The following TSHZ3 variants were observed in gnomAD, a reference collection of about 807,000 sequenced individuals.
The protein encoded by TSHZ3 is teashirt zinc finger homeobox 3, also known as teashirt homolog 3.
Under a neutral mutation model 64.5 loss-of-function variants are expected in TSHZ3, and 10 were observed. The observed-to-expected ratio is 0.16, with a 90% CI of 0.10 to 0.26. The LOEUF is 0.26. Ranked by LOEUF, TSHZ3 falls within the 10% of genes least tolerant of loss-of-function variation. The probability of loss-of-function intolerance (pLI) is 1.00; values close to 1 mark genes in which losing one functional copy is unlikely to be tolerated. For missense variants in TSHZ3, 1,242 were observed against 1,421.7 expected (o/e 0.87, Z 2.03); for synonymous variants, 608 against 593.1 (o/e 1.03, Z -0.36).
Position 31,308,624 on chromosome 19 carries a change from G to A in TSHZ3, c.41-28872C>T, listed in dbSNP as rs1916364794. On this transcript the variant is annotated intron_variant, in intron 1 of 1. Transcript: ENST00000240587. ...TTCCCAGGTGTTTTAGGCTCCACAGGTACACAGGGGTAGTGTGAAGAGACT... is the reference window on the plus strand; with the variant it reads ...TTCCCAGGTGTTTTAGGCTCCACAGATACACAGGGGTAGTGTGAAGAGACT... 4 of 398,346 alleles carry A rather than the reference G, an allele frequency of 1.0e-5. No homozygotes were observed. In the Admixed American group the frequency reaches 1.3e-4, roughly 13 times the overall value. The allele number at this position is 398,346 out of a possible 1,614,324, so 24.7% of individuals were successfully genotyped here.
At chr19:31,256,320 T>A (rs910766473) in intron 1 of TSHZ3, among the ~76,000 whole-genome samples, 3 of 152,010 alleles carry the variant, frequency 2.0e-5, no homozygotes, top group Non-Finnish European at 4.4e-5. Context: ...TCTGTGCACA[T>A]GCCTGCCGCC....
chr19:31,274,735 T>A (rs998239323), downstream of TSHZ3, among the ~76,000 whole-genome samples: 4 of 151,722 alleles, frequency 2.6e-5, no homozygotes, highest in Non-Finnish European at 2.9e-5. Flanking sequence ...TCGGTGCAGA[T>A]CCTATTCGAG....
intron 1 of TSHZ3, among the ~76,000 whole-genome samples, chr19:31,329,957 G>T (rs1027765383): frequency 1.3e-5 from 2 of 152,050 alleles, no homozygotes; most frequent in South Asian, 4.1e-4. Flanking sequence ...AAAAAAGAGC[G>T]CAGACACACA....
rs368039667 is a variant in TSHZ3 at position 31,277,444 on chromosome 19, G to A, written c.2349C>T (p.His783=). ...AGTCTATGGGCTGGTCGTTGTTGAC[G>A]TGGTAGAAATAGCGGTCGAGGTGGT... The part of the protein sequence containing the change: ...KADHLDRYFY[H]VNNDQPIDLT... Residue 783 remains histidine, a synonymous_variant, in exon 2 of 2, where the codon CAC becomes CAT. Coordinates refer to ENST00000240587, the MANE Select transcript of TSHZ3 (RefSeq NM_020856.4). The surrounding 1 kb of genome is among the most constrained non-coding windows in gnomAD (Gnocchi z 4.5). The A allele has an allele frequency of 2.2e-5, 35 of 1,614,068 alleles. No homozygotes were observed. The African/African-American group carries it at 2.7e-4, about 12-fold the overall frequency.
chr19:31,282,576 C>CAAACCAGGAA (rs1173344214), intron 1 of TSHZ3, among the ~76,000 whole-genome samples: 1 of 152,168 alleles, frequency 6.6e-6, no homozygotes, highest in Non-Finnish European at 1.5e-5. Context: ...GCACAAGCAC[C>CAAACCAGGAA]AAACCAGCCC....
At chr19:31,272,063 A>T (rs1976148964), downstream of TSHZ3, among the ~76,000 whole-genome samples, 1 of 152,112 alleles carries the variant, frequency 6.6e-6, no homozygotes, top group Non-Finnish European at 1.5e-5. Context: ...AAATCATTGG[A>T]TTTATTTAAA....
At chr19:31,217,320 G>A (rs547811130) in intron 4 of TSHZ3, among the ~76,000 whole-genome samples, 152 of 152,280 alleles carry the variant, frequency 1.0e-3, no homozygotes, top group Non-Finnish European at 1.9e-3. Flanking sequence ...GGGTGAACGA[G>A]GGGGAGATGG....
chr19:31,166,906 G>A (rs1037862410), intron 5 of TSHZ3, among the ~76,000 whole-genome samples: 1 of 152,208 alleles, frequency 6.6e-6, no homozygotes, highest in African/African-American at 2.4e-5. Context: ...GTAGATGACA[G>A]TACAAGGAAG....
intron 1 of TSHZ3, among the ~76,000 whole-genome samples, chr19:31,297,234 C>T (rs1052946407): frequency 6.6e-6 from 1 of 152,202 alleles, no homozygotes; most frequent in Non-Finnish European, 1.5e-5. Context: ...CTCAGAGGAT[C>T]CCTCCTGCGG....
intron 4 of TSHZ3, among the ~76,000 whole-genome samples, chr19:31,223,900 G>C (rs1160620832): frequency 6.6e-6 from 1 of 152,196 alleles, no homozygotes; most frequent in East Asian, 1.9e-4. Flanking sequence ...CACTCAGTGA[G>C]GGGAAGGACC....
At chr19:31,334,672 T>TCACTTAGA (rs1220716436) in intron 1 of TSHZ3, among the ~76,000 whole-genome samples, 2 of 152,072 alleles carry the variant, frequency 1.3e-5, no homozygotes, top group African/African-American at 4.8e-5. Flanking sequence ...CAAATACACA[T>TCACTTAGA]CACTTAGATA....
chr19:31,165,036 G>A (rs1974427367), intron 5 of TSHZ3, among the ~76,000 whole-genome samples: 3 of 152,214 alleles, frequency 2.0e-5, no homozygotes, highest in Admixed American at 6.5e-5. Flanking sequence ...CAGGGCCGGC[G>A]TTTGTTCCTG....
chr19:31,293,112 C>T (rs113356757), intron 1 of TSHZ3, among the ~76,000 whole-genome samples: 9,767 of 151,596 alleles, frequency 0.064, 414 homozygotes, highest in Non-Finnish European at 0.1. Flanking sequence ...CAAAAACGTA[C>T]CCATCCATCC....
At chr19:31,339,862 C>G (rs1179821839) in intron 1 of TSHZ3, among the ~76,000 whole-genome samples, 1 of 151,008 alleles carries the variant, frequency 6.6e-6, no homozygotes, top group Admixed American at 6.6e-5. Context: ...GTCGAAGTCC[C>G]TAGCTGTCGC....
intron 1 of TSHZ3, among the ~76,000 whole-genome samples, chr19:31,247,525 T>G (rs1038303856): frequency 1.3e-5 from 2 of 152,064 alleles, no homozygotes; most frequent in African/African-American, 4.8e-5. Flanking sequence ...AAAACGTCAG[T>G]GTCATGGAAC....
At chr19:31,231,325 T>C (rs1975536527) in intron 3 of TSHZ3, among the ~76,000 whole-genome samples, 1 of 152,088 alleles carries the variant, frequency 6.6e-6, no homozygotes, top group Non-Finnish European at 1.5e-5. Flanking sequence ...CAAACATACC[T>C]GAGTCTGATG....
At chr19:31,250,088 G>A (rs932367485) in intron 1 of TSHZ3, among the ~76,000 whole-genome samples, 10 of 152,196 alleles carry the variant, frequency 6.6e-5, no homozygotes, top group African/African-American at 2.4e-4. Context: ...CACACCTGTC[G>A]AGTGAACACA....
chr19:31,286,093 C>G (rs1207423520), intron 1 of TSHZ3, among the ~76,000 whole-genome samples: 1 of 152,154 alleles, frequency 6.6e-6, no homozygotes, highest in African/African-American at 2.4e-5. Context: ...ATGTGAGCCC[C>G]TGCGGAATGG....
At chr19:31,337,011 C>CTTTTTTTTTT (rs1429929065) in intron 1 of TSHZ3, among the ~76,000 whole-genome samples, 2 of 107,648 alleles carry the variant, frequency 1.9e-5, no homozygotes. Flanking sequence ...TTCTTTTTTT[C>CTTTTTTTTTT]TATTTTTTTT....
Sources: allele counts gnomAD v4.1 joint callset (sites outside exome capture counted in the v4.1 genomes callset), GRCh38; gene constraint gnomAD v4.1.1; non-coding constraint Gnocchi (gnomAD v3.1); transcripts MANE v1.5; gene names NCBI Gene and HGNC (gene_info 2026-07-23, HGNC 2026-07-21).